The following CADM2 variants were observed in gnomAD, a reference collection of about 807,000 sequenced individuals.
CADM2 encodes the protein cell adhesion molecule 2.
Under a neutral mutation model 49.8 loss-of-function variants are expected in CADM2, and 12 were observed. The observed-to-expected ratio is 0.24, with a 90% CI of 0.15 to 0.39. The LOEUF (loss-of-function observed/expected upper bound fraction) is 0.39, where lower values mean the gene tolerates loss of function less well. Among genes scored for constraint, CADM2 ranks in the 10% least tolerant of loss-of-function variants. CADM2 has a pLI of 1.00. For synonymous variants in CADM2, 214 were observed against 175.4 expected (o/e 1.22, Z -1.74); for missense variants, 378 against 492.3 (o/e 0.77, Z 2.20).
chr3:85,193,356 T>G (rs533876616), intron 1 of CADM2, among the ~76,000 whole-genome samples: 1 of 90,172 alleles, frequency 1.1e-5, no homozygotes, highest in Non-Finnish European at 2.2e-5. Flanking sequence ...TAAAAATCTA[T>G]CTAAAAAATC....
At chr3:85,258,179 A>C (rs1254317122) in intron 1 of CADM2, among the ~76,000 whole-genome samples, 1 of 152,204 alleles carries the variant, frequency 6.6e-6, no homozygotes, top group African/African-American at 2.4e-5. Flanking sequence ...TGATTATCTC[A>C]GATATTTAGA....
intron 5 of CADM2, among the ~76,000 whole-genome samples, chr3:85,886,561 A>G (rs1360651016): frequency 1.3e-5 from 2 of 152,140 alleles, no homozygotes; most frequent in Non-Finnish European, 2.9e-5. Context: ...AAAATAATAT[A>G]TGCCTTATAG....
chr3:85,383,539 CATATATA>C (rs2034032418), intron 1 of CADM2, among the ~76,000 whole-genome samples: 1 of 124,482 alleles, frequency 8.0e-6, no homozygotes, highest in African/African-American at 3.0e-5. Context: ...TATATATATA[CATATATA>C]TATACATATA....
intron 1 of CADM2, among the ~76,000 whole-genome samples, chr3:85,169,630 G>GGT (rs2040566785): frequency 6.6e-6 from 1 of 151,942 alleles, no homozygotes; most frequent in South Asian, 2.1e-4. Flanking sequence ...AAATCTGCGG[G>GGT]GTGTGGTGGC....
chr3:85,461,991 T>C (rs2038268796), intron 1 of CADM2, among the ~76,000 whole-genome samples: 1 of 152,180 alleles, frequency 6.6e-6, no homozygotes, highest in African/African-American at 2.4e-5. Context: ...GATTCCACAG[T>C]ACTTTGGCCC....
intron 8 of CADM2, among the ~76,000 whole-genome samples, chr3:85,997,207 AC>A (rs1372664304): frequency 6.6e-6 from 1 of 152,248 alleles, no homozygotes; most frequent in Non-Finnish European, 1.5e-5. Context: ...TATGAGACAC[AC>A]CAAAAAAGTA....
At chr3:85,074,047 A>C (rs561218116) in intron 1 of CADM2, among the ~76,000 whole-genome samples, 12 of 152,162 alleles carry the variant, frequency 7.9e-5, no homozygotes, top group Non-Finnish European at 1.3e-4. Flanking sequence ...TGCATTAGCC[A>C]CATTTTGAAG....
intron 1 of CADM2, among the ~76,000 whole-genome samples, chr3:85,450,834 A>T: frequency 6.6e-6 from 1 of 152,228 alleles, no homozygotes; most frequent in East Asian, 1.9e-4. Context: ...ATGAAATAAA[A>T]TAAAAAGACT....
intron 1 of CADM2, among the ~76,000 whole-genome samples, chr3:85,504,685 G>C (rs1159953694): frequency 3.9e-5 from 6 of 152,200 alleles, no homozygotes; most frequent in Non-Finnish European, 7.3e-5. Context: ...GCACTCCGCA[G>C]CCCTTGGGTG....
At chr3:85,755,611 G>A (rs2069077658) in intron 2 of CADM2, among the ~76,000 whole-genome samples, 1 of 152,122 alleles carries the variant, frequency 6.6e-6, no homozygotes, top group East Asian at 1.9e-4. Flanking sequence ...AGGAAGCATG[G>A]CTGGGTAAGC....
At chr3:84,980,424 G>C (rs2107132884) in intron 1 of CADM2, among the ~76,000 whole-genome samples, 1 of 152,228 alleles carries the variant, frequency 6.6e-6, no homozygotes, top group African/African-American at 2.4e-5. Context: ...AGATAGAAGA[G>C]TTTTTCCACA....
At chr3:85,762,468 A>G (rs538885585) in intron 2 of CADM2, among the ~76,000 whole-genome samples, 1 of 151,632 alleles carries the variant, frequency 6.6e-6, no homozygotes. Context: ...CCCATTCTTA[A>G]TGTTCCATTT....
rs569403823 is a variant in CADM2, at chr3:85,772,642, A to G, written c.89-29405A>G. On this transcript the variant is annotated intron_variant, in intron 2 of 9. Coordinates refer to ENST00000383699, the MANE Select transcript of CADM2 (RefSeq NM_001167675.2). ...GGGAATGTTAACCTCCCTCTTTTTC[A>G]GCAGCCAGGAAACTGGCATTCAGAG... 3.9e-4 allele frequency among the ~76,000 whole-genome samples: 59 copies of G among 152,202 alleles called. No homozygotes were observed. In the South Asian group the frequency reaches 4.6e-3, roughly 12 times the overall value.
chr3:85,903,240 A>G (rs1716353826), intron 5 of CADM2, among the ~76,000 whole-genome samples: 1 of 152,076 alleles, frequency 6.6e-6, no homozygotes, highest in Non-Finnish European at 1.5e-5. Context: ...TAATCACTTA[A>G]GAGAAGAAAA....
chr3:85,489,010 T>A (rs931635693), intron 1 of CADM2, among the ~76,000 whole-genome samples: 1 of 152,134 alleles, frequency 6.6e-6, no homozygotes, highest in East Asian at 1.9e-4. Flanking sequence ...TATTTATTTA[T>A]ATATTTTCCT....
At chr3:85,876,633 T>C (rs1711882155) in intron 3 of CADM2, among the ~76,000 whole-genome samples, 2 of 152,170 alleles carry the variant, frequency 1.3e-5, no homozygotes, top group Non-Finnish European at 2.9e-5. Context: ...GAATTATTAC[T>C]CACTAGAAAC....
chr3:85,352,092 C>A (rs1397205073), intron 1 of CADM2, among the ~76,000 whole-genome samples: 1 of 152,076 alleles, frequency 6.6e-6, no homozygotes, highest in African/African-American at 2.4e-5. Context: ...GACAATTTAT[C>A]TCCTGATTTA....
chr3:85,169,958 ATTAT>A (rs2040575339), intron 1 of CADM2, among the ~76,000 whole-genome samples: 1 of 152,182 alleles, frequency 6.6e-6, no homozygotes, highest in African/African-American at 2.4e-5. Context: ...TGTTGAGCAA[ATTAT>A]TTATCTCTTT....
At chr3:85,111,201 G>A (rs1389189911) in intron 1 of CADM2, among the ~76,000 whole-genome samples, 1 of 151,690 alleles carries the variant, frequency 6.6e-6, no homozygotes, top group Non-Finnish European at 1.5e-5. Flanking sequence ...CATTTATGAG[G>A]TCTTTCTTAT....
Sources: gnomAD v4.1 joint callset for allele counts (sites outside exome capture counted in the v4.1 genomes callset) on GRCh38, gnomAD v4.1.1 for gene constraint, MANE v1.5 for transcripts, NCBI Gene and HGNC (gene_info 2026-07-23, HGNC 2026-07-21) for gene names.